Variants in MED12L observed in about 807,000 individuals in gnomAD.
The protein encoded by MED12L is mediator complex subunit 12L.
Under a neutral mutation model 281.3 loss-of-function variants are expected in MED12L, and 60 were observed. That is an observed-to-expected ratio of 0.21 (90% CI 0.17 to 0.26). The LOEUF is 0.26. Among genes scored for constraint, MED12L ranks in the 10% least tolerant of loss-of-function variants. The probability of loss-of-function intolerance (pLI) is 1.00; values close to 1 mark genes in which losing one functional copy is unlikely to be tolerated. For missense variants in MED12L, 2,146 were observed against 2,680.9 expected (o/e 0.80, Z 4.41); for synonymous variants, 974 against 987.2 (o/e 0.99, Z 0.25).
chr3:151,388,724 T>A (rs976099484), intron 37 of MED12L, among the ~76,000 whole-genome samples: 1 of 152,222 alleles, frequency 6.6e-6, no homozygotes, highest in Admixed American at 6.5e-5. Flanking sequence ...ATAAGCCTAA[T>A]TTAAAATAGT....
chr3:151,141,187 G>GTTTTTTTTTTTTTTTTTT (rs76965310), intron 5 of MED12L, among the ~76,000 whole-genome samples: 7 of 99,120 alleles, frequency 7.1e-5, no homozygotes, highest in East Asian at 3.6e-4. Context: ...TGTTTTTTTT[G>GTTTTTTTTTTTTTTTTTT]TTTTTTTTTT....
intron 16 of MED12L, among the ~76,000 whole-genome samples, chr3:151,264,077 C>T (rs1739401105): frequency 6.6e-6 from 1 of 152,162 alleles, no homozygotes. Flanking sequence ...AGTAGTTCTA[C>T]TTCATTTCAC....
chr3:151,301,942 A>C (rs1488112815), intron 16 of MED12L, among the ~76,000 whole-genome samples: 2 of 152,266 alleles, frequency 1.3e-5, no homozygotes, highest in Admixed American at 1.3e-4. Flanking sequence ...CCATGCAATG[A>C]CTTGTATGCA....
intron 16 of MED12L, among the ~76,000 whole-genome samples, chr3:151,200,510 T>C (rs1427488276): frequency 1.3e-5 from 2 of 152,258 alleles, no homozygotes; most frequent in East Asian, 3.8e-4. Context: ...CCAGATCAGC[T>C]ACTCTGTAAG....
intron 16 of MED12L, among the ~76,000 whole-genome samples, chr3:151,232,163 T>A (rs1357931383): frequency 1.3e-5 from 2 of 152,170 alleles, no homozygotes; most frequent in East Asian, 3.9e-4. Context: ...AATTGATGTT[T>A]CTTGTTCTAT....
At chr3:151,378,249 T>TCA in intron 31 of MED12L, 76 bp downstream of exon 31, 1 of 1,383,594 alleles carries the variant, frequency 7.2e-7, no homozygotes, top group Non-Finnish European at 9.7e-7. Context: ...TAAACCTGTG[T>TCA]GGTCACTGTA....
Position 151,340,013 on chromosome 3 carries a change from A to C in MED12L, c.2251-10046A>C. On this transcript the variant is annotated intron_variant, in intron 16 of 44. Coordinates refer to ENST00000687756, the MANE Select transcript of MED12L (RefSeq NM_001393769.1). ...AATGAATGTAGCACTTAAATTCCCC[A>C]AAATGTCCATGGAATTCCTTTCTGT... Among the ~76,000 whole-genome samples, 2 of 152,190 alleles carry C rather than the reference A, an allele frequency of 1.3e-5. 1 individual carries two copies. Among genetic ancestry groups the C allele is most frequent in the Admixed American group, 1.3e-4 (2 of 15,264 alleles).
intron 16 of MED12L, among the ~76,000 whole-genome samples, chr3:151,285,342 G>A (rs1253046342): frequency 1.3e-5 from 2 of 152,004 alleles, no homozygotes; most frequent in Non-Finnish European, 2.9e-5. Flanking sequence ...AAAATTAGCC[G>A]GGTGTGGTGG....
intron 12 of MED12L, 81 bp from the exon 13 acceptor site, chr3:151,188,273 G>A: frequency 8.9e-7 from 1 of 1,124,552 alleles, no homozygotes; most frequent in Non-Finnish European, 1.3e-6. Flanking sequence ...GCACTTAAAT[G>A]CCAATAAAAA....
intron 16 of MED12L, among the ~76,000 whole-genome samples, chr3:151,289,605 G>GT (rs1211785481): frequency 6.6e-6 from 1 of 152,170 alleles, no homozygotes; most frequent in Non-Finnish European, 1.5e-5. Context: ...ACTATCATGG[G>GT]TTAAGGGGCT....
chr3:151,271,326 C>T (rs1392416153), intron 16 of MED12L, among the ~76,000 whole-genome samples: 3 of 151,922 alleles, frequency 2.0e-5, no homozygotes, highest in African/African-American at 7.3e-5. Flanking sequence ...GTACTTTCAC[C>T]CATTAGAATG....
intron 16 of MED12L, among the ~76,000 whole-genome samples, chr3:151,343,704 A>C (rs1341328116): frequency 6.6e-6 from 1 of 152,186 alleles, no homozygotes. Context: ...ATTTTGTATA[A>C]TTGAGATGAG....
At chr3:151,139,635 G>T (rs1214362493) in intron 5 of MED12L, among the ~76,000 whole-genome samples, 1 of 152,172 alleles carries the variant, frequency 6.6e-6, no homozygotes, top group African/African-American at 2.4e-5. Flanking sequence ...AGGCATAGGA[G>T]AAATATGTAA....
intron 37 of MED12L, among the ~76,000 whole-genome samples, 191 bp downstream of exon 37, chr3:151,388,363 A>G (rs1040510915): frequency 3.3e-5 from 5 of 152,110 alleles, no homozygotes. Context: ...AAAGCTTTTG[A>G]TTTTCCGTCC....
intron 16 of MED12L, among the ~76,000 whole-genome samples, chr3:151,195,601 G>C (rs1451224010): frequency 1.3e-5 from 2 of 152,156 alleles, no homozygotes; most frequent in Non-Finnish European, 2.9e-5. Context: ...ATTTAGGGGA[G>C]CAGAAAGAGT....
At chr3:151,154,472 A>T (rs985954005) in intron 5 of MED12L, among the ~76,000 whole-genome samples, 5 of 152,194 alleles carry the variant, frequency 3.3e-5, no homozygotes, top group African/African-American at 1.2e-4. Flanking sequence ...TCTGCAGTAT[A>T]AATTTTCTAT....
Position 151,376,844 on chromosome 3 carries a change from G to A in MED12L, c.4098G>A (p.Gln1366=), listed in dbSNP as rs749419176. 2 of 1,614,054 alleles carry A rather than the reference G, an allele frequency of 1.2e-6. No individual in the cohort carries two copies. Among genetic ancestry groups the A allele is most frequent in the Non-Finnish European group, 8.5e-7 (1 of 1,179,958 alleles). Residue 1366 remains glutamine (Q), a synonymous_variant, in exon 29 of 45, where the codon CAG becomes CAA. Transcript: ENST00000687756. ...WTLRQSWLEL[Q]LMIKQCLKDP... ...TGAGGCAATCCTGGTTAGAACTCCA[G>A]CTAATGATCAAACAGTGCTTGAAGG...
At chr3:151,315,726 C>G (rs987247293) in intron 16 of MED12L, among the ~76,000 whole-genome samples, 1 of 152,010 alleles carries the variant, frequency 6.6e-6, no homozygotes, top group East Asian at 1.9e-4. Flanking sequence ...AATATAGAAC[C>G]AGATTTGTTG....
intron 16 of MED12L, among the ~76,000 whole-genome samples, chr3:151,250,708 G>A (rs1345996678): frequency 2.0e-5 from 3 of 152,152 alleles, no homozygotes; most frequent in Non-Finnish European, 4.4e-5. Context: ...TGGCTATTGT[G>A]AACAATGCTG....
Sources: gnomAD v4.1 joint callset for allele counts (sites outside exome capture counted in the v4.1 genomes callset) on GRCh38, gnomAD v4.1.1 for gene constraint, MANE v1.5 for transcripts, NCBI Gene and HGNC (gene_info 2026-07-23, HGNC 2026-07-21) for gene names.